The following TBL1X variants were observed in gnomAD, a reference collection of about 807,000 sequenced individuals.
The protein encoded by TBL1X is F-box-like/WD repeat-containing protein TBL1X.
Under a neutral mutation model 50.7 loss-of-function variants are expected in TBL1X, and 10 were observed. That is an observed-to-expected ratio of 0.20 (90% CI 0.12 to 0.33). The LOEUF (loss-of-function observed/expected upper bound fraction) is 0.33. Among genes scored for constraint, TBL1X ranks in the 10% least tolerant of loss-of-function variants. The pLI is 1.00. For synonymous variants in TBL1X, 190 were observed against 214.7 expected (o/e 0.88, Z 1.01); for missense variants, 340 against 504.4 (o/e 0.67, Z 3.12).
At chrX:9,511,674 A>T (rs759084139) in intron 2 of TBL1X, among the ~76,000 whole-genome samples, 1 of 112,288 alleles carries the variant, frequency 8.9e-6, no homozygotes. Flanking sequence ...GTACTTCTCA[A>T]TTCTCAGTGA....
chrX:9,583,357 A>C (rs1211338906), intron 2 of TBL1X, among the ~76,000 whole-genome samples: 2 of 112,156 alleles, frequency 1.8e-5, no homozygotes, highest in Non-Finnish European at 3.8e-5. Flanking sequence ...CTTTTTTCCC[A>C]AATGAGGTCA....
intron 2 of TBL1X, among the ~76,000 whole-genome samples, chrX:9,608,023 C>G (rs1262083226): frequency 1.9e-5 from 2 of 107,166 alleles, no homozygotes; most frequent in African/African-American, 6.9e-5. Flanking sequence ...GTTTCCCAAG[C>G]TGTTCTCAAA....
intron 5 of TBL1X, among the ~76,000 whole-genome samples, chrX:9,670,283 C>A (rs535786302): frequency 1.8e-5 from 2 of 110,670 alleles, no homozygotes; most frequent in Admixed American, 1.9e-4. Context: ...GTCCTGTGGC[C>A]CCCCCTACTG....
At chrX:9,698,955 T>G (rs1468037257) in intron 12 of TBL1X, among the ~76,000 whole-genome samples, 1 of 111,708 alleles carries the variant, frequency 9.0e-6, no homozygotes, top group Non-Finnish European at 1.9e-5. Context: ...GATTCCCACC[T>G]GATTCTTCGT....
At chrX:9,530,905 A>G (rs2082156555) in intron 2 of TBL1X, 1 of 111,947 alleles carries the variant, frequency 8.9e-6, no homozygotes, top group Non-Finnish European at 1.9e-5. Flanking sequence ...CCTTTAAAAA[A>G]ATGGACCGAG....
At chrX:9,654,348 AG>A (rs1261327426) in intron 5 of TBL1X, 26 bp downstream of exon 5, 1 of 1,191,220 alleles carries the variant, frequency 8.4e-7, no homozygotes, top group Admixed American at 2.2e-5. Context: ...TTCTGTCGGT[AG>A]GAAATTCATC....
intron 2 of TBL1X, among the ~76,000 whole-genome samples, chrX:9,599,166 A>G (rs1439632397): frequency 9.2e-6 from 1 of 108,746 alleles, no homozygotes; most frequent in Admixed American, 9.9e-5. Flanking sequence ...CTGGTCTCGA[A>G]CTCCTGACCT....
At chrX:9,564,871 AATAG>A (rs1299302951) in intron 2 of TBL1X, among the ~76,000 whole-genome samples, 4 of 110,867 alleles carry the variant, frequency 3.6e-5, no homozygotes, top group Non-Finnish European at 7.6e-5. Context: ...TAAAAAATGT[AATAG>A]ATTGTTGGAG....
chrX:9,543,646 T>G (rs974974187), intron 2 of TBL1X, among the ~76,000 whole-genome samples: 2 of 111,979 alleles, frequency 1.8e-5, no homozygotes, highest in Non-Finnish European at 3.8e-5. Context: ...TAAGGGATGT[T>G]GTCCAAACCA....
chrX:9,479,706 C>T (rs2081869092), intron 1 of TBL1X, among the ~76,000 whole-genome samples: 1 of 111,716 alleles, frequency 9.0e-6, no homozygotes. Context: ...TTTGACTTGT[C>T]TGTCTTACAG....
intron 2 of TBL1X, among the ~76,000 whole-genome samples, chrX:9,606,647 C>G (rs757916342): frequency 9.0e-6 from 1 of 111,427 alleles, no homozygotes; most frequent in Admixed American, 9.5e-5. Flanking sequence ...TCACTGCACT[C>G]CAGCCTAGGT....
At chrX:9,549,993 G>A (rs1376219120) in intron 2 of TBL1X, among the ~76,000 whole-genome samples, 1 of 111,821 alleles carries the variant, frequency 8.9e-6, no homozygotes, top group African/African-American at 3.3e-5. Flanking sequence ...AGCCCAGGAG[G>A]ATGGTGGCAG....
At chrX:9,527,549 T>C (rs1181393153) in intron 2 of TBL1X, among the ~76,000 whole-genome samples, 1 of 112,014 alleles carries the variant, frequency 8.9e-6, no homozygotes, top group Non-Finnish European at 1.9e-5. Flanking sequence ...TGGAACCTTA[T>C]CTTCTCTGCT....
intron 2 of TBL1X, among the ~76,000 whole-genome samples, chrX:9,544,094 T>C (rs774165967): frequency 8.9e-6 from 1 of 112,208 alleles, no homozygotes; most frequent in African/African-American, 3.2e-5. Flanking sequence ...CAGCAGATAC[T>C]TCCACCCCGT....
At chrX:9,633,367 C>T (rs1281616059) in intron 2 of TBL1X, among the ~76,000 whole-genome samples, 1 of 111,111 alleles carries the variant, frequency 9.0e-6, no homozygotes, top group Non-Finnish European at 1.9e-5. Context: ...AAATAATCCA[C>T]CTAGATCAAG....
At chrX:9,565,285 A>AAAAAAAC (rs2082345353) in intron 2 of TBL1X, among the ~76,000 whole-genome samples, 1 of 108,210 alleles carries the variant, frequency 9.2e-6, no homozygotes, top group Non-Finnish European at 1.9e-5. Context: ...AAAAAAAAAA[A>AAAAAAAC]AAAAAAAATC....
chrX:9,711,792 C>A lies in TBL1X; in HGVS notation c.1605+16C>A. 1 of 1,176,230 alleles carries A rather than the reference C, an allele frequency of 8.5e-7. No individual in the cohort carries two copies. Among genetic ancestry groups the A allele is most frequent in the South Asian group, 1.9e-5 (1 of 51,923 alleles). On this transcript the variant is annotated intron_variant, in intron 16 of 17. Transcript: ENST00000645353. ...GAATACTCAGGTAAGCTCCCGACCC[C>A]TACACCAAATCCTTTTAGTAAGGGA...
intron 2 of TBL1X, among the ~76,000 whole-genome samples, chrX:9,626,071 G>C (rs931001254): frequency 8.9e-6 from 1 of 112,211 alleles, no homozygotes; most frequent in African/African-American, 3.2e-5. Flanking sequence ...CCTTGTCTTT[G>C]AGATGTCGGG....
rs185350230 is a variant in TBL1X, at chrX:9,561,880, G to T, written c.-131+60031G>T. The stretch of plus-strand genomic sequence containing the variant: ...GTTAAATGAAATTGAAGACAGTACT[G>T]TTGACCTTTCCAGGTGAGGAGGGAG... On this transcript the variant is annotated intron_variant, in intron 2 of 17. Coordinates refer to ENST00000645353, the MANE Select transcript of TBL1X (RefSeq NM_005647.4). Among the ~76,000 whole-genome samples, 39 of 112,294 alleles carry T rather than the reference G, an allele frequency of 3.5e-4. No individual in the cohort carries two copies. In the East Asian group the frequency reaches 0.01, roughly 29 times the overall value.
Sources: allele counts gnomAD v4.1 joint callset (sites outside exome capture counted in the v4.1 genomes callset), GRCh38; gene constraint gnomAD v4.1.1; transcripts MANE v1.5; gene names NCBI Gene and HGNC (gene_info 2026-07-23, HGNC 2026-07-21).